Variants in MORC4 observed in about 807,000 individuals in gnomAD.
MORC4 encodes the protein MORC family CW-type zinc finger protein 4.
In MORC4, 22 loss-of-function variants were observed where a neutral mutation model predicts 65.5. That is an observed-to-expected ratio of 0.34 (90% confidence interval 0.24 to 0.48). The LOEUF (loss-of-function observed/expected upper bound fraction) is 0.48, where lower values mean the gene tolerates loss of function less well. MORC4 is among the 20% of genes least tolerant of loss of function. The pLI, the probability that MORC4 is intolerant of heterozygous loss-of-function variation, is 0.99. For missense variants in MORC4, 624 were observed against 703.0 expected, an observed-to-expected ratio of 0.89 and a Z score of 1.27; for synonymous variants, 267 against 255.8, an observed-to-expected ratio of 1.04 and a Z score of -0.42.
chrX:106,989,359 T>C (rs1389049269), intron 3 of MORC4, among the ~76,000 whole-genome samples: 2 of 112,340 alleles, frequency 1.8e-5, no homozygotes, highest in Non-Finnish European at 3.8e-5. Flanking sequence ...TTTTCCTTTT[T>C]AATTTGATTT....
chrX:106,984,976 C>T, intron 5 of MORC4, 120 bp downstream of exon 5: 1 of 604,322 alleles, frequency 1.7e-6, no homozygotes, highest in African/African-American at 2.3e-5. Context: ...CGAGACCAGC[C>T]TGGGCAACAT....
chrX:106,972,567 C>G (rs779985474), intron 9 of MORC4, among the ~76,000 whole-genome samples: 1 of 111,740 alleles, frequency 8.9e-6, no homozygotes, highest in Non-Finnish European at 1.9e-5. Flanking sequence ...CTGCCAAGAG[C>G]CTCTTGTTGG....
chrX:106,955,642 C>A (rs1934090384), intron 13 of MORC4, among the ~76,000 whole-genome samples: 2 of 111,518 alleles, frequency 1.8e-5, no homozygotes, highest in African/African-American at 3.3e-5. Flanking sequence ...GAGAACAGGG[C>A]AGTCCTAGGA....
At chrX:106,945,623 T>C (rs1933809236) in intron 14 of MORC4, among the ~76,000 whole-genome samples, 1 of 111,131 alleles carries the variant, frequency 9.0e-6, no homozygotes, top group Non-Finnish European at 1.9e-5. Context: ...ACTTATTGGT[T>C]CTATACTTCT....
At chrX:106,976,781 C>CT in intron 8 of MORC4, 97 bp from the exon 9 acceptor site, 6 of 553,431 alleles carry the variant, frequency 1.1e-5, no homozygotes, top group Non-Finnish European at 1.8e-5. Flanking sequence ...GTTACATAAC[C>CT]TTCATGGGCA....
intron 5 of MORC4, 126 bp from the exon 6 acceptor site, chrX:106,981,603 C>A: frequency 1.8e-6 from 1 of 566,298 alleles, no homozygotes; most frequent in Non-Finnish European, 2.7e-6. Flanking sequence ...CTTTCCCTGA[C>A]TACCAGTGCA....
chrX:106,941,448 TAAGAG>T lies in MORC4; in HGVS notation c.*26_*30del, dbSNP rs1933676583. 9 of 1,118,213 alleles carry T rather than the reference TAAGAG, an allele frequency of 8.0e-6. No individual in the cohort carries two copies. The highest frequency in any genetic ancestry group is 1.9e-5 in the African/African-American group (1 of 52,853). The allele number at this position is 1,118,213 out of a possible 1,213,427, so 92.2% of individuals were successfully genotyped here. On this transcript the variant is annotated 3_prime_UTR_variant, in exon 17 of 17. Transcript: ENST00000355610. ...GAGAGAAAAGAGAACAGACAGAAGA[TAAGAG>T]AAGAGAAGGGTATACAGTCTGGTGC...
chrX:106,976,917 C>G (rs1458161173), intron 8 of MORC4, among the ~76,000 whole-genome samples: 1 of 111,215 alleles, frequency 9.0e-6, no homozygotes, highest in East Asian at 2.8e-4. Flanking sequence ...CCATAGATCC[C>G]TAGGAGTCTT....
intron 11 of MORC4, among the ~76,000 whole-genome samples, chrX:106,957,362 G>A (rs1245157070): frequency 1.8e-5 from 2 of 111,906 alleles, no homozygotes; most frequent in East Asian, 5.6e-4. Context: ...TAAGTACTCA[G>A]TTCCATATTC....
chrX:106,956,541 G>A lies in MORC4; in HGVS notation c.1455-7C>T, dbSNP rs1360644500. The stretch of plus-strand genomic sequence containing the variant: ...CTCCTCAACAGTTTGTTCTCTAGGA[G>A]AAGATAAAAGTGCTATTTAGTTCAC... On this transcript the variant is annotated splice_polypyrimidine_tract_variant and splice_region_variant and intron_variant, in intron 12 of 16. Coordinates refer to ENST00000355610, the MANE Select transcript of MORC4 (RefSeq NM_024657.5). The A allele has an allele frequency of 8.4e-7, 1 of 1,185,207 alleles. No individual in the cohort carries two copies. Among genetic ancestry groups the A allele is most frequent in the Non-Finnish European group, 1.1e-6 (1 of 872,777 alleles).
chrX:106,997,988 C>T (rs1284136943), intron 2 of MORC4, among the ~76,000 whole-genome samples: 3 of 112,095 alleles, frequency 2.7e-5, no homozygotes, highest in Non-Finnish European at 5.6e-5. Context: ...AAGCATAAAC[C>T]TTCTGTACAT....
rs148426245 is a variant in MORC4, at chrX:106,980,989, G to T, written c.838C>A (p.Arg280Ser). The change falls in exon 7 of 17, where the codon CGC becomes AGC. Residue 280 changes from arginine (R) to serine (S), a missense_variant. By Grantham distance (110) the Arg-to-Ser change is moderately radical. Coordinates refer to ENST00000355610, the MANE Select transcript of MORC4 (RefSeq NM_024657.5). ...AFCGILYMKP[R>S]MKIFLRQKKV... ...TTTTGACGCAGAAAAATTTTCATGCGTGGCTTCATGTATAGAATACCACAA... is the reference window on the plus strand; with the variant it reads ...TTTTGACGCAGAAAAATTTTCATGCTTGGCTTCATGTATAGAATACCACAA... 1 of 1,207,556 alleles carries T rather than the reference G, an allele frequency of 8.3e-7. No individual in the cohort carries two copies. Among genetic ancestry groups the T allele is most frequent in the African/African-American group, 1.8e-5 (1 of 56,965 alleles).
chrX:106,980,624 T>C (rs1028302743), intron 7 of MORC4, among the ~76,000 whole-genome samples: 1 of 111,137 alleles, frequency 9.0e-6, no homozygotes, highest in Admixed American at 9.6e-5. Flanking sequence ...TTATTTTTTT[T>C]AAAAAAGGTT....
At chrX:106,975,277 C>T (rs956714786) in intron 9 of MORC4, among the ~76,000 whole-genome samples, 1 of 111,609 alleles carries the variant, frequency 9.0e-6, no homozygotes, top group East Asian at 2.8e-4. Flanking sequence ...TAACTTGACT[C>T]GGAGACTTCT....
intron 10 of MORC4, among the ~76,000 whole-genome samples, chrX:106,961,713 A>G (rs1391718278): frequency 9.0e-6 from 1 of 111,726 alleles, no homozygotes; most frequent in African/African-American, 3.3e-5. Flanking sequence ...AGGGAACAAT[A>G]AGGGAATAAA....
intron 8 of MORC4, among the ~76,000 whole-genome samples, chrX:106,977,796 A>G (rs1040674669): frequency 1.8e-5 from 2 of 111,547 alleles, no homozygotes; most frequent in African/African-American, 6.5e-5. Context: ...AAATAAGCTG[A>G]CACACATGGT....
At chrX:106,948,287 C>T (rs781525483) in intron 14 of MORC4, among the ~76,000 whole-genome samples, 3 of 111,676 alleles carry the variant, frequency 2.7e-5, no homozygotes, top group Non-Finnish European at 5.7e-5. Flanking sequence ...GAGTTACTAT[C>T]TGGCGTCATT....
rs1418281702 is a variant in MORC4 at position 106,941,398 on chromosome X, G to C, written c.*81C>G. 3.2e-5 allele frequency: 25 copies of C among 784,292 alleles called. No individual in the cohort carries two copies. The highest frequency in any genetic ancestry group is 4.3e-5 in the African/African-American group (2 of 46,186). The allele number at this position is 784,292 out of a possible 1,213,427, so 64.6% of individuals were successfully genotyped here. The stretch of plus-strand genomic sequence containing the variant: ...AGAGAGAGAGAGAGAGAGAGAGAGA[G>C]AGAGAGAGAGAGACGTGAGGGAGGG... On this transcript the variant is annotated 3_prime_UTR_variant, in exon 17 of 17. Transcript: ENST00000355610.
At chrX:106,969,131 G>C (rs1934444916) in intron 9 of MORC4, among the ~76,000 whole-genome samples, 2 of 111,967 alleles carry the variant, frequency 1.8e-5, no homozygotes, top group South Asian at 7.5e-4. Flanking sequence ...AACTCTCTCA[G>C]ACCACAGTGC....
Sources: gnomAD v4.1 joint callset for allele counts (sites outside exome capture counted in the v4.1 genomes callset) on GRCh38, gnomAD v4.1.1 for gene constraint, MANE v1.5 for transcripts, NCBI Gene and HGNC (gene_info 2026-07-23, HGNC 2026-07-21) for gene names.